The following KLF12 variants were observed in gnomAD, a reference collection of about 807,000 sequenced individuals.
KLF12 encodes Krueppel-like factor 12.
A neutral mutation model predicts 37.8 loss-of-function variants in KLF12; 9 were observed. The ratio of observed to expected loss-of-function variants is 0.24; its 90% CI spans 0.14 to 0.42. The LOEUF (loss-of-function observed/expected upper bound fraction) is 0.42, where lower values mean the gene tolerates loss of function less well. KLF12 is among the 10% of genes least tolerant of loss of function. The pLI, the probability that KLF12 is intolerant of heterozygous loss-of-function variation, is 1.00. For synonymous variants in KLF12, 208 were observed against 202.1 expected, an observed-to-expected ratio of 1.03 and a Z score of -0.25; for missense variants, 411 against 516.0, an observed-to-expected ratio of 0.80 and a Z score of 1.97.
intron 1 of KLF12, among the ~76,000 whole-genome samples, chr13:74,011,781 T>C (rs1281560307): frequency 1.3e-5 from 2 of 152,210 alleles, no homozygotes; most frequent in Non-Finnish European, 2.9e-5. Flanking sequence ...TGAGCATCTG[T>C]GGATTTTGGC....
Position 73,695,371 on chromosome 13 carries a change from C to T in KLF12, c.*119G>A. On this transcript the variant is annotated 3_prime_UTR_variant, in exon 8 of 8. Transcript: ENST00000377669. ...TGCCTTCTTTTTCCTGCTCTGGTTT[C>T]AGACATCGTGGGATGGTGATGCCCT... The T allele has an allele frequency of 1.0e-6, 1 of 964,176 alleles. No individual in the cohort carries two copies. Among genetic ancestry groups the T allele is most frequent in the Non-Finnish European group, 1.5e-6 (1 of 645,520 alleles). The allele number at this position is 964,176 out of a possible 1,614,324, so 59.7% of individuals were successfully genotyped here. A position where few individuals can be genotyped will look rare whatever the true frequency, so the allele number is the denominator to read the frequency against.
At chr13:74,229,772 G>A in the KLF12 span, among the ~76,000 whole-genome samples, 1 of 152,252 alleles carries the variant, frequency 6.6e-6, no homozygotes, top group Non-Finnish European at 1.5e-5. Context: ...GGTTTGGAAG[G>A]CCAAAAACCT....
chr13:74,260,629 A>AAAATAAAAT, the KLF12 span, among the ~76,000 whole-genome samples: 1 of 63,864 alleles, frequency 1.6e-5, no homozygotes, highest in African/African-American at 2.0e-4. Context: ...AAAATAAAAT[A>AAAATAAAAT]GTGAATTAAT....
chr13:74,192,499 G>A, the KLF12 span, among the ~76,000 whole-genome samples: 1 of 152,168 alleles, frequency 6.6e-6, no homozygotes, highest in South Asian at 2.1e-4. Flanking sequence ...TAGAGGCTCT[G>A]TAATATGATT....
intron 6 of KLF12, among the ~76,000 whole-genome samples, chr13:73,733,057 A>G (rs1451033225): frequency 6.6e-6 from 1 of 152,150 alleles, no homozygotes; most frequent in Non-Finnish European, 1.5e-5. Context: ...CTCATCTCTT[A>G]TCTGGCTACC....
At chr13:73,721,701 G>A (rs1057010561) in intron 6 of KLF12, among the ~76,000 whole-genome samples, 6 of 147,746 alleles carry the variant, frequency 4.1e-5, no homozygotes, top group Non-Finnish European at 7.5e-5. Flanking sequence ...ACAGGTGCAT[G>A]CCACCATGCC....
chr13:74,131,213 T>A (rs1489158520), intron 1 of KLF12, among the ~76,000 whole-genome samples: 2 of 152,198 alleles, frequency 1.3e-5, no homozygotes, highest in Non-Finnish European at 2.9e-5. Flanking sequence ...CATCTAAAAC[T>A]CACTGGAGCC....
chr13:74,156,990 T>C, the KLF12 span, among the ~76,000 whole-genome samples: 1 of 152,188 alleles, frequency 6.6e-6, no homozygotes, highest in Non-Finnish European at 1.5e-5. Context: ...TTGGTTAACA[T>C]TTTATTCTGT....
intron 2 of KLF12, among the ~76,000 whole-genome samples, chr13:73,947,218 A>G (rs1484468310): frequency 6.6e-6 from 1 of 152,242 alleles, no homozygotes; most frequent in Non-Finnish European, 1.5e-5. Flanking sequence ...GAAATACTTT[A>G]TGTATGCTTA....
Position 73,813,328 on chromosome 13 carries a change from G to A in KLF12, c.671-41C>T, listed in dbSNP as rs749637940. 3.8e-5 allele frequency: 61 copies of A among 1,609,018 alleles called. 1 individual carries two copies. Among genetic ancestry groups the A allele is most frequent in the South Asian group, 2.6e-4 (24 of 90,674 alleles). ...ATATATAATGAATTAAAATCAGTGC[G>A]CAGAAAGTTAACCTTGTCCTGGACC... On this transcript the variant is annotated intron_variant, in intron 4 of 7. Coordinates refer to ENST00000377669, the MANE Select transcript of KLF12 (RefSeq NM_007249.5).
intron 1 of KLF12, among the ~76,000 whole-genome samples, chr13:74,088,443 G>C (rs549028010): frequency 1.1e-3 from 166 of 152,234 alleles, no homozygotes; most frequent in Non-Finnish European, 2.8e-4. Flanking sequence ...GGCCAGGCTA[G>C]TCTCAAACTA....
chr13:73,927,451 C>T (rs1889446454), intron 3 of KLF12, among the ~76,000 whole-genome samples: 1 of 152,230 alleles, frequency 6.6e-6, no homozygotes, highest in Admixed American at 6.5e-5. Context: ...CTATCTCCAT[C>T]CAGCCCATAA....
chr13:74,184,477 G>A, the KLF12 span, among the ~76,000 whole-genome samples: 8 of 152,172 alleles, frequency 5.3e-5, no homozygotes, highest in East Asian at 1.2e-3. Flanking sequence ...CAACTCCCAA[G>A]GATGCAGCAA....
At position 73,690,199 on chromosome 13, in the gene KLF12, T is replaced by C. The variant is rs1413738744; in HGVS notation, c.*5291A>G. The C allele has an allele frequency of 6.6e-5, 10 of 152,600 alleles. No individual in the cohort carries two copies. Among genetic ancestry groups the C allele is most frequent in the Non-Finnish European group, 1.5e-4 (10 of 68,010 alleles). 9.5% of individuals were successfully genotyped at this position (152,600 alleles called of 1,614,324 possible). A position where few individuals can be genotyped will look rare whatever the true frequency, so the allele number is the denominator to read the frequency against. ...ATTAAGAATTATTGCTGTGTAAAAG[T>C]ATAGGAATATCTCATTGGTCATAAG... On this transcript the variant is annotated 3_prime_UTR_variant, in exon 8 of 8. Transcript: ENST00000377669.
At chr13:73,903,965 C>A (rs373684783) in intron 3 of KLF12, among the ~76,000 whole-genome samples, 4 of 152,304 alleles carry the variant, frequency 2.6e-5, no homozygotes, top group African/African-American at 9.6e-5. Flanking sequence ...GGAAAAATTT[C>A]TTCCATAAAA....
chr13:73,925,368 T>C (rs1271871255), intron 3 of KLF12, among the ~76,000 whole-genome samples: 5 of 152,186 alleles, frequency 3.3e-5, no homozygotes, highest in Admixed American at 1.3e-4. Context: ...TTAAGAATGA[T>C]GCTAAATCTA....
intron 5 of KLF12, among the ~76,000 whole-genome samples, chr13:73,784,353 A>G (rs1476437590): frequency 1.3e-5 from 2 of 152,108 alleles, no homozygotes; most frequent in African/African-American, 4.8e-5. Context: ...AAAGACTCTC[A>G]TGTTCTGTCC....
chr13:74,230,680 C>T, the KLF12 span, among the ~76,000 whole-genome samples: 1 of 152,162 alleles, frequency 6.6e-6, no homozygotes, highest in African/African-American at 2.4e-5. Context: ...ATGAATTCTA[C>T]CCCGAGGCAC....
At chr13:73,893,369 C>CTTTTTTTT (rs71115621) in intron 3 of KLF12, among the ~76,000 whole-genome samples, 4 of 50,584 alleles carry the variant, frequency 7.9e-5, no homozygotes, top group East Asian at 7.1e-4. Context: ...ACAATATTGA[C>CTTTTTTTT]TTTTTTTTTT....
Sources: gnomAD v4.1 joint callset for allele counts (sites outside exome capture counted in the v4.1 genomes callset) on GRCh38, gnomAD v4.1.1 for gene constraint, MANE v1.5 for transcripts, NCBI Gene and HGNC (gene_info 2026-07-23, HGNC 2026-07-21) for gene names.